Variants in AP3B1 observed in about 807,000 individuals in gnomAD.
The protein encoded by AP3B1 is AP-3 complex subunit beta-1.
In AP3B1, 61 loss-of-function variants were observed where a neutral mutation model predicts 132.5. The observed-to-expected ratio is 0.46, with a 90% CI of 0.37 to 0.57. AP3B1 has a LOEUF of 0.57. Among genes scored for constraint, AP3B1 ranks in the 20% least tolerant of loss-of-function variants. The pLI, the probability that AP3B1 is intolerant of heterozygous loss-of-function variation, is 0.00. For missense variants in AP3B1, 1,120 were observed against 1,289.4 expected (o/e 0.87, Z 2.01); for synonymous variants, 388 against 438.3 (o/e 0.89, Z 1.43).
intron 17 of AP3B1, 60 bp from the exon 18 acceptor site, chr5:78,116,294 C>A (rs764703161): frequency 7.1e-7 from 1 of 1,412,046 alleles, no homozygotes; most frequent in East Asian, 2.3e-5. Flanking sequence ...AGAGTTCTGG[C>A]AAACTTAATC....
chr5:78,140,611 C>A (rs12516210), intron 15 of AP3B1, among the ~76,000 whole-genome samples: 2 of 151,970 alleles, frequency 1.3e-5, no homozygotes, highest in African/African-American at 2.4e-5. Context: ...ACCCTTATGA[C>A]CTAATCACCT....
chr5:78,091,792 C>A (rs530948833), intron 21 of AP3B1, among the ~76,000 whole-genome samples: 3 of 152,204 alleles, frequency 2.0e-5, no homozygotes, highest in South Asian at 2.1e-4. Context: ...TATGGTCCTG[C>A]AGGATGGTTA....
intron 15 of AP3B1, among the ~76,000 whole-genome samples, chr5:78,134,515 C>T (rs1752823566): frequency 6.6e-6 from 1 of 152,014 alleles, no homozygotes; most frequent in Non-Finnish European, 1.5e-5. Context: ...TAAGCAGTAC[C>T]GTTGTTCCAT....
intron 2 of AP3B1, among the ~76,000 whole-genome samples, chr5:78,248,950 C>T (rs914356684): frequency 6.6e-6 from 1 of 152,024 alleles, no homozygotes; most frequent in Non-Finnish European, 1.5e-5. Context: ...CATTTTTTCC[C>T]GCTACTTTCA....
chr5:78,063,666 T>C (rs1238951420), intron 22 of AP3B1, among the ~76,000 whole-genome samples: 2 of 152,160 alleles, frequency 1.3e-5, no homozygotes, highest in Non-Finnish European at 2.9e-5. Flanking sequence ...CAAAAACAGA[T>C]TGAAGTGATA....
chr5:78,021,067 T>G (rs1747075301), intron 24 of AP3B1, among the ~76,000 whole-genome samples: 1 of 152,036 alleles, frequency 6.6e-6, no homozygotes, highest in South Asian at 2.1e-4. Context: ...AAAATTGCAG[T>G]AATTGTATAT....
chr5:78,116,917 C>G (rs956233543), intron 17 of AP3B1, among the ~76,000 whole-genome samples: 1 of 152,106 alleles, frequency 6.6e-6, no homozygotes, highest in Non-Finnish European at 1.5e-5. Context: ...GCCTGAAACC[C>G]TGCAGTGGCT....
At chr5:78,016,135 G>T (rs1746845735) in intron 25 of AP3B1, among the ~76,000 whole-genome samples, 1 of 152,022 alleles carries the variant, frequency 6.6e-6, no homozygotes, top group African/African-American at 2.4e-5. Flanking sequence ...CTAGTGAATG[G>T]AAAGTGTTTT....
At chr5:78,095,060 T>C (rs1750715775) in intron 21 of AP3B1, among the ~76,000 whole-genome samples, 1 of 152,188 alleles carries the variant, frequency 6.6e-6, no homozygotes, top group Admixed American at 6.5e-5. Flanking sequence ...TACTGAACAG[T>C]ATTTTGTGCA....
intron 21 of AP3B1, among the ~76,000 whole-genome samples, chr5:78,098,297 TAA>T (rs959040626): frequency 1.2e-4 from 17 of 138,176 alleles, no homozygotes; most frequent in African/African-American, 4.6e-4. Context: ...AATAAATAAA[TAA>T]AAAATAAAAA....
intron 24 of AP3B1, among the ~76,000 whole-genome samples, chr5:78,031,146 G>C (rs1265005935): frequency 1.3e-5 from 2 of 151,956 alleles, no homozygotes; most frequent in East Asian, 3.9e-4. Flanking sequence ...CTTTCTTCCA[G>C]AACACTCGAT....
In AP3B1 at chr5:78,015,709, A is replaced by G. The variant is rs1746829699; in HGVS notation, c.2993-161T>C. The G allele has an allele frequency of 7.2e-6, 5 of 692,916 alleles. No individual in the cohort carries two copies. The East Asian group carries it at 1.4e-4, about 20-fold the overall frequency. 42.9% of individuals were successfully genotyped at this position (692,916 alleles called of 1,614,324 possible). Reference sequence around the variant, plus strand: ...AATTATAAAACTAAAACAAAATGCAATTGTTTCGAAGTTTTTTAAAATCCT... The same window carrying G: ...AATTATAAAACTAAAACAAAATGCAGTTGTTTCGAAGTTTTTTAAAATCCT... On this transcript the variant is annotated intron_variant, in intron 25 of 26. Coordinates refer to ENST00000255194, the MANE Select transcript of AP3B1 (RefSeq NM_003664.5).
intron 2 of AP3B1, among the ~76,000 whole-genome samples, chr5:78,253,630 G>A (rs1005837471): frequency 2.6e-5 from 4 of 152,138 alleles, no homozygotes; most frequent in Non-Finnish European, 4.4e-5. Flanking sequence ...TAGCTGTCTT[G>A]AGAAAACTCA....
At chr5:78,212,334 A>G (rs2112470660) in intron 7 of AP3B1, among the ~76,000 whole-genome samples, 2 of 152,316 alleles carry the variant, frequency 1.3e-5, no homozygotes, top group East Asian at 1.9e-4. Flanking sequence ...TAAGCCATTA[A>G]GTATAAAGCA....
chr5:78,270,801 CTCTT>C (rs1748515614), intron 1 of AP3B1, among the ~76,000 whole-genome samples: 1 of 152,160 alleles, frequency 6.6e-6, no homozygotes. Flanking sequence ...AGAACTTTGG[CTCTT>C]TCTGTTGACA....
rs42360 is a variant in AP3B1 at position 78,116,187 on chromosome 5, A to G, written c.2016T>C (p.Ala672=). The change falls in exon 18 of 27, where the codon GCT becomes GCC. Residue 672 remains alanine, a synonymous_variant. Coordinates refer to ENST00000255194, the MANE Select transcript of AP3B1 (RefSeq NM_003664.5). Reference sequence around the variant, plus strand: ...CCTCAGATTCAGAATAAAACTTCTTAGCAGAATTCTCTTGCTTTGCTTTTC... The same window carrying G: ...CCTCAGATTCAGAATAAAACTTCTTGGCAGAATTCTCTTGCTTTGCTTTTC... ...PAGKAKQENS[A]KKFYSESEEE... is the part of the protein sequence containing the mutation. 0.23 allele frequency: 369,850 copies of G among 1,612,438 alleles called. 44,621 individuals carry two copies. Among genetic ancestry groups the G allele is most frequent in the Admixed American group, 0.31 (18,627 of 59,980 alleles).
chr5:78,167,858 G>T (rs1024441713), intron 11 of AP3B1, among the ~76,000 whole-genome samples: 1 of 151,866 alleles, frequency 6.6e-6, no homozygotes, highest in Non-Finnish European at 1.5e-5. Flanking sequence ...GACTTTGGGG[G>T]CTCAGGGGAA....
At chr5:78,090,067 C>T (rs570466405) in intron 21 of AP3B1, among the ~76,000 whole-genome samples, 1 of 152,122 alleles carries the variant, frequency 6.6e-6, no homozygotes, top group African/African-American at 2.4e-5. Flanking sequence ...TCTAAAAATG[C>T]AAGTCTGGTC....
In AP3B1 at chr5:78,203,968, T is replaced by C. The variant is rs76052535; in HGVS notation, c.786+12087A>G. On this transcript the variant is annotated intron_variant, in intron 7 of 26. Coordinates refer to ENST00000255194, the MANE Select transcript of AP3B1 (RefSeq NM_003664.5). ...ATCATTTCTCTATACATACTGATAC[T>C]CTCTACTTGGAGAGTCATTGTTTTC... is the stretch of plus-strand genomic sequence containing the variant. Among the ~76,000 whole-genome samples the C allele has an allele frequency of 1.5e-3, 231 of 152,326 alleles. 6 individuals are homozygous for C. The East Asian group carries it at 0.043, about 28-fold the overall frequency.
Sources: gnomAD v4.1 joint callset for allele counts (sites outside exome capture counted in the v4.1 genomes callset) on GRCh38, gnomAD v4.1.1 for gene constraint, MANE v1.5 for transcripts, NCBI Gene and HGNC (gene_info 2026-07-23, HGNC 2026-07-21) for gene names.